Variants in NKAIN2 observed in about 807,000 individuals in gnomAD.
The protein encoded by NKAIN2 is sodium/potassium transporting ATPase interacting 2.
Under a neutral mutation model 32.6 loss-of-function variants are expected in NKAIN2, and 14 were observed. That is an observed-to-expected ratio of 0.43 (90% CI 0.28 to 0.67). NKAIN2 has a LOEUF of 0.67. Among genes scored for constraint, NKAIN2 ranks in the 30% least tolerant of loss-of-function variants. NKAIN2 has a pLI of 0.17. For missense variants in NKAIN2, 198 were observed against 258.3 expected, an observed-to-expected ratio of 0.77 and a Z score of 1.60; for synonymous variants, 80 against 87.2, an observed-to-expected ratio of 0.92 and a Z score of 0.46.
At position 124,336,387 on chromosome 6, in the gene NKAIN2, AAG is replaced by A. The variant is rs1222535493; in HGVS notation, c.193-18877_193-18876del. Among the ~76,000 whole-genome samples, 3 of 152,246 alleles carry A rather than the reference AAG, an allele frequency of 2.0e-5. No homozygotes were observed. The East Asian group carries it at 5.8e-4, about 29-fold the overall frequency. On this transcript the variant is annotated intron_variant, in intron 2 of 6. Coordinates refer to ENST00000368417, the MANE Select transcript of NKAIN2 (RefSeq NM_001040214.3). ...GAAATCTCATGTGTGCCTCTCTAGG[AAG>A]AGTTTTCCTTCCTGGAAGAACAGAG...
chr6:124,477,275 G>A (rs1168976870), intron 3 of NKAIN2, among the ~76,000 whole-genome samples: 1 of 152,212 alleles, frequency 6.6e-6, no homozygotes, highest in Non-Finnish European at 1.5e-5. Context: ...AGTTTCTAAT[G>A]CAGAGCTTCC....
chr6:124,609,653 C>T (rs567462315), intron 3 of NKAIN2, among the ~76,000 whole-genome samples: 4 of 152,072 alleles, frequency 2.6e-5, no homozygotes, highest in Non-Finnish European at 1.5e-5. Context: ...AGCTTGCCCC[C>T]CTCCGGAAGC....
At chr6:124,750,715 T>C (rs796752201) in intron 4 of NKAIN2, among the ~76,000 whole-genome samples, 23 of 152,214 alleles carry the variant, frequency 1.5e-4, no homozygotes, top group African/African-American at 5.3e-4. Flanking sequence ...TTTTTATTCC[T>C]ATAGTTATGT....
chr6:124,595,522 G>A (rs148648553), intron 3 of NKAIN2, among the ~76,000 whole-genome samples: 9 of 152,226 alleles, frequency 5.9e-5, no homozygotes, highest in East Asian at 5.8e-4. Flanking sequence ...AAGAACAACC[G>A]CTTTATGAGC....
At chr6:124,206,669 C>T (rs1474775536) in intron 1 of NKAIN2, among the ~76,000 whole-genome samples, 1 of 151,908 alleles carries the variant, frequency 6.6e-6, no homozygotes. Flanking sequence ...AGTCATATTG[C>T]TGCCCGTGTT....
At chr6:124,084,830 C>A (rs987396665) in intron 1 of NKAIN2, among the ~76,000 whole-genome samples, 2 of 151,758 alleles carry the variant, frequency 1.3e-5, no homozygotes, top group Admixed American at 6.6e-5. Flanking sequence ...TTATGAAGAT[C>A]TTTTCCCGTC....
At chr6:124,658,714 T>C in intron 4 of NKAIN2, 2 of 493,234 alleles carry the variant, frequency 4.1e-6, no homozygotes, top group Non-Finnish European at 7.0e-6. Context: ...TTTCATAACG[T>C]TCTACAGTAC....
chr6:123,866,870 T>G (rs1772548926), intron 1 of NKAIN2, among the ~76,000 whole-genome samples: 1 of 152,200 alleles, frequency 6.6e-6, no homozygotes, highest in Non-Finnish European at 1.5e-5. Context: ...TTTTCCTCTT[T>G]CCTCAGAAAC....
intron 1 of NKAIN2, among the ~76,000 whole-genome samples, chr6:124,239,314 C>T (rs1792948798): frequency 6.6e-6 from 1 of 152,096 alleles, no homozygotes; most frequent in Non-Finnish European, 1.5e-5. Flanking sequence ...CAGGATCCCA[C>T]TGTCAATATT....
chr6:124,595,005 G>C lies in NKAIN2; in HGVS notation c.274-63181G>C, dbSNP rs190301021. Among the ~76,000 whole-genome samples the C allele has an allele frequency of 1.2e-4, 19 of 152,250 alleles. No individual in the cohort carries two copies. In the East Asian group the frequency reaches 3.7e-3, roughly 29 times the overall value. On this transcript the variant is annotated intron_variant, in intron 3 of 6. Transcript: ENST00000368417. ...AGTGGGAGTCAGAGTCATTTACTGA[G>C]AGACAGAGGAAAAGAGGTTGTGTTG...
intron 1 of NKAIN2, among the ~76,000 whole-genome samples, chr6:124,065,212 T>TAACACA (rs1783108876): frequency 1.4e-5 from 2 of 144,522 alleles, no homozygotes; most frequent in African/African-American, 5.2e-5. Flanking sequence ...TATCAGAAAA[T>TAACACA]TACACACACA....
intron 3 of NKAIN2, among the ~76,000 whole-genome samples, chr6:124,470,816 T>C (rs1776942133): frequency 6.6e-6 from 1 of 152,190 alleles, no homozygotes; most frequent in African/African-American, 2.4e-5. Context: ...ACAAAACTTA[T>C]CTTTCAAGTA....
At chr6:124,696,084 T>C (rs1229920060) in intron 4 of NKAIN2, among the ~76,000 whole-genome samples, 1 of 152,152 alleles carries the variant, frequency 6.6e-6, no homozygotes, top group African/African-American at 2.4e-5. Flanking sequence ...TTGGTCTCTC[T>C]GTGTAGCATT....
rs575111943 is a variant in NKAIN2 at position 124,726,646 on chromosome 6, G to A, written c.475-64693G>A. Reference sequence around the variant, plus strand: ...AAAACTGGAAACTCTAAAAACCAGAGCGCCTCTCCTCCTCCAAAGGAACGC... The same window carrying A: ...AAAACTGGAAACTCTAAAAACCAGAACGCCTCTCCTCCTCCAAAGGAACGC... On this transcript the variant is annotated intron_variant, in intron 4 of 6. Coordinates refer to ENST00000368417, the MANE Select transcript of NKAIN2 (RefSeq NM_001040214.3). Among the ~76,000 whole-genome samples the A allele has an allele frequency of 5.7e-4, 85 of 148,126 alleles. No individual in the cohort carries two copies. The South Asian group carries it at 0.018, about 31-fold the overall frequency.
intron 3 of NKAIN2, among the ~76,000 whole-genome samples, chr6:124,432,423 T>G (rs1264617214): frequency 1.3e-5 from 2 of 152,102 alleles, no homozygotes; most frequent in Non-Finnish European, 2.9e-5. Flanking sequence ...TAGTACTAAG[T>G]GCTTTTAGAG....
chr6:124,312,570 G>A (rs1796767113), intron 2 of NKAIN2, among the ~76,000 whole-genome samples: 1 of 152,128 alleles, frequency 6.6e-6, no homozygotes, highest in Non-Finnish European at 1.5e-5. Context: ...AGGGTGTGGG[G>A]GAAGGAGCAC....
chr6:124,723,260 T>C (rs1002023823), intron 4 of NKAIN2, among the ~76,000 whole-genome samples: 2 of 152,176 alleles, frequency 1.3e-5, no homozygotes, highest in Admixed American at 1.3e-4. Context: ...ATTTTGCAAA[T>C]ATAACTAAGT....
chr6:124,037,456 T>G (rs1021165283), intron 1 of NKAIN2, among the ~76,000 whole-genome samples: 16 of 152,134 alleles, frequency 1.1e-4, no homozygotes, highest in African/African-American at 3.9e-4. Flanking sequence ...ATGTCATTTT[T>G]TTCTGTCAGA....
chr6:124,019,440 G>A (rs890410572), intron 1 of NKAIN2, among the ~76,000 whole-genome samples: 1 of 152,026 alleles, frequency 6.6e-6, no homozygotes, highest in African/African-American at 2.4e-5. Flanking sequence ...GTTTTGGCAT[G>A]TGAATCATAT....
Sources: gnomAD v4.1 joint callset for allele counts (sites outside exome capture counted in the v4.1 genomes callset) on GRCh38, gnomAD v4.1.1 for gene constraint, MANE v1.5 for transcripts, NCBI Gene and HGNC (gene_info 2026-07-23, HGNC 2026-07-21) for gene names.